Variants in PTPRD observed in about 807,000 individuals in gnomAD.
PTPRD encodes the protein receptor-type tyrosine-protein phosphatase delta.
A neutral mutation model predicts 214.5 loss-of-function variants in PTPRD; 34 were observed. That is an observed-to-expected ratio of 0.16 (90% CI 0.12 to 0.21). PTPRD has a LOEUF of 0.21. Among genes scored for constraint, PTPRD ranks in the 10% least tolerant of loss-of-function variants. The probability of loss-of-function intolerance (pLI) is 1.00; values close to 1 mark genes in which losing one functional copy is unlikely to be tolerated. For synonymous variants in PTPRD, 1,128 were observed against 845.7 expected (o/e 1.33, Z -5.79); for missense variants, 2,545 against 2,398.7 (o/e 1.06, Z -1.27).
At chr9:9,576,534 G>T (rs1292486527) in intron 7 of PTPRD, among the ~76,000 whole-genome samples, 1 of 152,132 alleles carries the variant, frequency 6.6e-6, no homozygotes, top group Non-Finnish European at 1.5e-5. Context: ...AGTGTGATTT[G>T]AGATGCTCGT....
At chr9:10,163,427 C>T (rs2099140876) in intron 3 of PTPRD, among the ~76,000 whole-genome samples, 1 of 151,368 alleles carries the variant, frequency 6.6e-6, no homozygotes, top group Admixed American at 6.6e-5. Flanking sequence ...AGAACTTATT[C>T]TTATGTGACT....
chr9:8,427,533 G>A (rs763388470), intron 35 of PTPRD, among the ~76,000 whole-genome samples: 1 of 152,048 alleles, frequency 6.6e-6, no homozygotes, highest in African/African-American at 2.4e-5. Flanking sequence ...CCAGACACCT[G>A]ACCAAAACAC....
intron 10 of PTPRD, among the ~76,000 whole-genome samples, chr9:9,146,014 T>C (rs2099868059): frequency 6.6e-6 from 1 of 152,202 alleles, no homozygotes; most frequent in South Asian, 2.1e-4. Context: ...ACTACTTCTT[T>C]GTCCACTCCA....
intron 11 of PTPRD, among the ~76,000 whole-genome samples, chr9:8,923,126 C>A (rs1264019457): frequency 6.6e-6 from 1 of 151,622 alleles, no homozygotes; most frequent in Admixed American, 6.6e-5. Context: ...ACTGAAACCT[C>A]CGCCTCCTGG....
intron 33 of PTPRD, among the ~76,000 whole-genome samples, chr9:8,450,767 A>G (rs1365240979): frequency 2.0e-5 from 3 of 152,188 alleles, no homozygotes; most frequent in Non-Finnish European, 2.9e-5. Flanking sequence ...AATTAATCAC[A>G]GAGTCCTAAC....
intron 11 of PTPRD, among the ~76,000 whole-genome samples, chr9:8,979,719 T>C (rs2099296921): frequency 6.6e-6 from 1 of 152,064 alleles, no homozygotes; most frequent in Admixed American, 6.6e-5. Context: ...ATGGCTTTTA[T>C]CAGTAAGACA....
intron 22 of PTPRD, 22 bp downstream of exon 22, chr9:8,507,279 G>C (rs770174447): frequency 1.9e-6 from 3 of 1,606,642 alleles, no homozygotes; most frequent in Non-Finnish European, 2.5e-6. Flanking sequence ...AATTCCCAAG[G>C]TGAGAAGCAC....
intron 43 of PTPRD, 40 bp from the exon 44 acceptor site, chr9:8,331,776 CG>C (rs773105193): frequency 1.6e-5 from 25 of 1,529,838 alleles, no homozygotes; most frequent in Non-Finnish European, 2.0e-5. Flanking sequence ...CAAAGGAAGA[CG>C]CCAGGAGGAT....
In PTPRD at chr9:10,039,238, G is replaced by A. The variant is rs138209788; in HGVS notation, c.-544-5448C>T. 4.4e-3 allele frequency among the ~76,000 whole-genome samples: 666 copies of A among 152,064 alleles called. 3 individuals carry two copies. Among genetic ancestry groups the A allele is most frequent in the Middle Eastern group, 0.01 (3 of 292 alleles). On this transcript the variant is annotated intron_variant, in intron 3 of 45. Coordinates refer to ENST00000381196, the MANE Select transcript of PTPRD (RefSeq NM_002839.4). ...TAAAAGTGATCATCCTATTTCTACTGTGACAATTTAAAACTTTAATTTGAA... is the reference window on the plus strand; with the variant it reads ...TAAAAGTGATCATCCTATTTCTACTATGACAATTTAAAACTTTAATTTGAA...
intron 11 of PTPRD, among the ~76,000 whole-genome samples, chr9:8,924,903 A>G (rs1477095022): frequency 6.6e-6 from 1 of 152,190 alleles, no homozygotes. Context: ...GAATAAGCCT[A>G]TGAAGCCATC....
chr9:9,548,834 T>A (rs138507399), intron 8 of PTPRD, among the ~76,000 whole-genome samples: 1,677 of 152,132 alleles, frequency 0.011, 21 homozygotes, highest in African/African-American at 0.038. Context: ...TAAATGTATA[T>A]CCCTTAAAAG....
chr9:8,671,763 C>T (rs763481947), intron 12 of PTPRD, among the ~76,000 whole-genome samples: 2 of 152,276 alleles, frequency 1.3e-5, no homozygotes, highest in African/African-American at 4.8e-5. Flanking sequence ...CTGCAACTTA[C>T]GACTTTTAGA....
intron 10 of PTPRD, among the ~76,000 whole-genome samples, chr9:9,058,658 C>A (rs1347140956): frequency 6.6e-6 from 1 of 150,954 alleles, no homozygotes; most frequent in Non-Finnish European, 1.5e-5. Flanking sequence ...ACCGTGTTAG[C>A]CAGGATGGTC....
intron 7 of PTPRD, among the ~76,000 whole-genome samples, chr9:9,688,829 C>G (rs1414717805): frequency 6.6e-6 from 1 of 151,542 alleles, no homozygotes; most frequent in Non-Finnish European, 1.5e-5. Context: ...ATATTTTACC[C>G]AGGCATTTAA....
At chr9:9,298,986 C>T (rs1439447325) in intron 9 of PTPRD, among the ~76,000 whole-genome samples, 1 of 151,738 alleles carries the variant, frequency 6.6e-6, no homozygotes, top group East Asian at 1.9e-4. Flanking sequence ...AATTAATATA[C>T]TTTAAGCTGC....
At chr9:9,481,051 T>C (rs2095389437) in intron 8 of PTPRD, among the ~76,000 whole-genome samples, 1 of 152,000 alleles carries the variant, frequency 6.6e-6, no homozygotes, top group African/African-American at 2.4e-5. Flanking sequence ...GGCAAATAAA[T>C]TGGAATAAAT....
chr9:9,419,600 T>C (rs2078053922), intron 8 of PTPRD, among the ~76,000 whole-genome samples: 1 of 151,740 alleles, frequency 6.6e-6, no homozygotes, highest in Non-Finnish European at 1.5e-5. Context: ...ACAGAAGCAG[T>C]ATATCATCCT....
chr9:8,713,956 G>A, intron 12 of PTPRD: 1 of 630,904 alleles, frequency 1.6e-6, no homozygotes, highest in South Asian at 1.9e-5. Flanking sequence ...GAGAATTAGT[G>A]AGGCCTGACC....
intron 8 of PTPRD, among the ~76,000 whole-genome samples, chr9:9,509,199 A>AATAC (rs1351858805): frequency 6.6e-6 from 1 of 151,676 alleles, no homozygotes; most frequent in Non-Finnish European, 1.5e-5. Flanking sequence ...TTTCCTGTAA[A>AATAC]ATACACATAT....
Sources: allele counts gnomAD v4.1 joint callset (sites outside exome capture counted in the v4.1 genomes callset), GRCh38; gene constraint gnomAD v4.1.1; transcripts MANE v1.5; gene names NCBI Gene and HGNC (gene_info 2026-07-23, HGNC 2026-07-21).